The following MYPN variants were observed in gnomAD, a reference collection of about 807,000 sequenced individuals.
MYPN encodes the protein sarcomeric protein myopalladin, 145 kDa (MYOP).
Under a neutral mutation model 129.4 loss-of-function variants are expected in MYPN, and 63 were observed. The ratio of observed to expected loss-of-function variants is 0.49; its 90% CI spans 0.40 to 0.60. MYPN has a LOEUF of 0.60. Ranked by LOEUF, MYPN falls within the 20% of genes least tolerant of loss-of-function variation. The pLI, the probability that MYPN is intolerant of heterozygous loss-of-function variation, is 0.00. For missense variants in MYPN, 1,596 were observed against 1,635.4 expected (o/e 0.98, Z 0.42); for synonymous variants, 629 against 600.9 (o/e 1.05, Z -0.68).
chr10:68,172,444 A>G (rs2043157986), intron 10 of MYPN, among the ~76,000 whole-genome samples: 1 of 152,216 alleles, frequency 6.6e-6, no homozygotes, highest in Admixed American at 6.5e-5. Context: ...TCCCGTGGTT[A>G]CTCATTCAAC....
intron 2 of MYPN, among the ~76,000 whole-genome samples, chr10:68,132,329 G>A (rs988092955): frequency 6.6e-6 from 1 of 152,042 alleles, no homozygotes; most frequent in Non-Finnish European, 1.5e-5. Context: ...TGAATTCTTT[G>A]GATAAACACA....
At chr10:68,139,038 G>T (rs1376903354) in intron 2 of MYPN, among the ~76,000 whole-genome samples, 1 of 152,012 alleles carries the variant, frequency 6.6e-6, no homozygotes, top group Non-Finnish European at 1.5e-5. Flanking sequence ...TGATCCATAA[G>T]GCCCATGTTT....
intron 4 of MYPN, among the ~76,000 whole-genome samples, chr10:68,146,922 A>T (rs2042675902): frequency 6.6e-6 from 1 of 152,204 alleles, no homozygotes; most frequent in Admixed American, 6.5e-5. Flanking sequence ...AAGAAAACAG[A>T]TGCTTTGGAT....
chr10:68,133,879 C>A (rs2042447159), intron 2 of MYPN, among the ~76,000 whole-genome samples: 1 of 151,488 alleles, frequency 6.6e-6, no homozygotes. Context: ...ACATGCCTAC[C>A]TGAAATTACA....
chr10:68,144,652 T>G (rs993497760), intron 3 of MYPN, among the ~76,000 whole-genome samples: 1 of 152,130 alleles, frequency 6.6e-6, no homozygotes, highest in East Asian at 1.9e-4. Flanking sequence ...GTTTTTTTTT[T>G]CTTTGTGACA....
chr10:68,166,549 C>T lies in MYPN; in HGVS notation c.1856C>T (p.Thr619Ile), dbSNP rs1329226753. ...GCATCCTCCGAGGCTGGTGTGGTGA[C>T]CACCAGACAGACCAGGCCCGATTCT... ...SEASSEAGVV[T>I]TRQTRPDSFQ... The change falls in exon 10 of 20, where the codon ACC becomes ATC. Residue 619 changes from threonine (T) to isoleucine (I), a missense_variant. Transcript: ENST00000358913. The T allele has an allele frequency of 1.2e-6, 2 of 1,614,152 alleles. No homozygotes were observed. Among genetic ancestry groups the T allele is most frequent in the Non-Finnish European group, 1.7e-6 (2 of 1,180,024 alleles).
intron 2 of MYPN, among the ~76,000 whole-genome samples, chr10:68,142,297 G>C (rs187710350): frequency 1.8e-4 from 28 of 152,192 alleles, no homozygotes; most frequent in African/African-American, 6.5e-4. Flanking sequence ...ATTTTATATA[G>C]TATTTTTGGT....
At chr10:68,139,942 A>G (rs550879297) in intron 2 of MYPN, among the ~76,000 whole-genome samples, 1 of 152,360 alleles carries the variant, frequency 6.6e-6, no homozygotes, top group South Asian at 2.1e-4. Flanking sequence ...ATAAACAAGT[A>G]TATAAGACAA....
intron 2 of MYPN, among the ~76,000 whole-genome samples, chr10:68,136,892 ACT>A (rs1354720126): frequency 6.6e-6 from 1 of 151,980 alleles, no homozygotes; most frequent in Non-Finnish European, 1.5e-5. Flanking sequence ...ACCATTTTCA[ACT>A]CTTTTTTGCA....
At chr10:68,135,559 A>C in intron 2 of MYPN, 1 of 836,866 alleles carries the variant, frequency 1.2e-6, no homozygotes, top group South Asian at 5.5e-5. Flanking sequence ...TAGGCCCCAC[A>C]TTCTTCACTT....
chr10:68,113,157 T>C (rs2042104612), intron 1 of MYPN, among the ~76,000 whole-genome samples: 1 of 152,234 alleles, frequency 6.6e-6, no homozygotes, highest in South Asian at 2.1e-4. Flanking sequence ...TGCATAGTGC[T>C]CTACAGTTTT....
At chr10:68,130,595 G>T (rs2042395245) in intron 2 of MYPN, among the ~76,000 whole-genome samples, 1 of 149,870 alleles carries the variant, frequency 6.7e-6, no homozygotes. Context: ...TTTTATTTTA[G>T]TTTATCTTTA....
chr10:68,109,389 C>G (rs1191689314), upstream of MYPN: 1 of 399,704 alleles, frequency 2.5e-6, no homozygotes, highest in African/African-American at 2.1e-5. Flanking sequence ...TAGGTGCTGT[C>G]CTGCTATGGA....
chr10:68,098,989 A>G (rs1476291989), intron 1 of MYPN, among the ~76,000 whole-genome samples: 2 of 152,372 alleles, frequency 1.3e-5, no homozygotes, highest in East Asian at 3.9e-4. Flanking sequence ...ATATAAATTA[A>G]TCTGGTTCTC....
chr10:68,090,417 G>A (rs553752294), intron 1 of MYPN, among the ~76,000 whole-genome samples: 1 of 152,022 alleles, frequency 6.6e-6, no homozygotes, highest in Non-Finnish European at 1.5e-5. Context: ...TACCCGCCTC[G>A]GCCTCCCAAA....
intron 2 of MYPN, among the ~76,000 whole-genome samples, chr10:68,122,829 G>C (rs748798099): frequency 6.6e-6 from 1 of 152,056 alleles, no homozygotes; most frequent in African/African-American, 2.4e-5. Flanking sequence ...TTGAACCCGG[G>C]AGACGGAGGT....
rs1407867263 is a variant in MYPN, at chr10:68,211,194, C to G, written c.*739C>G. ...ACTGTTTTTTTCTGACTTTGCATAT[C>G]CCTAGACACTAGAACTAAAGGATTG... On this transcript the variant is annotated 3_prime_UTR_variant, in exon 20 of 20. Coordinates refer to ENST00000358913, the MANE Select transcript of MYPN (RefSeq NM_032578.4). 2.2e-6 allele frequency: 1 copy of G among 453,870 alleles called. No homozygotes were observed. Among genetic ancestry groups the G allele is most frequent in the Non-Finnish European group, 4.4e-6 (1 of 226,776 alleles). 28.1% of individuals were successfully genotyped at this position (453,870 alleles called of 1,614,324 possible).
At chr10:68,201,618 A>G (rs2043713001) in intron 17 of MYPN, among the ~76,000 whole-genome samples, 1 of 151,526 alleles carries the variant, frequency 6.6e-6, no homozygotes, top group South Asian at 2.1e-4. Flanking sequence ...AAATACAAAA[A>G]TTAGCCAGGC....
intron 2 of MYPN, among the ~76,000 whole-genome samples, chr10:68,128,264 A>T (rs931184603): frequency 1.3e-5 from 2 of 152,202 alleles, no homozygotes; most frequent in African/African-American, 4.8e-5. Flanking sequence ...CCAGGAATGT[A>T]CAGCTGGGTA....
Sources: allele counts gnomAD v4.1 joint callset (sites outside exome capture counted in the v4.1 genomes callset), GRCh38; gene constraint gnomAD v4.1.1; transcripts MANE v1.5; gene names NCBI Gene and HGNC (gene_info 2026-07-23, HGNC 2026-07-21).